AOPEP: variants seen among roughly 807,000 people sequenced by gnomAD.
AOPEP encodes aminopeptidase O (putative).
Under a neutral mutation model 98.1 loss-of-function variants are expected in AOPEP, and 77 were observed. That is an observed-to-expected ratio of 0.78 (90% CI 0.65 to 0.95). The LOEUF is 0.95. Ranked by LOEUF, AOPEP falls within the 40% of genes least tolerant of loss-of-function variation. AOPEP has a pLI of 0.00. For synonymous variants in AOPEP, 346 were observed against 365.3 expected, an observed-to-expected ratio of 0.95 and a Z score of 0.60; for missense variants, 1,024 against 1,024.7, an observed-to-expected ratio of 1.00 and a Z score of 0.01.
At chr9:95,111,089 G>C in the AOPEP span, 1 of 1,516,728 alleles carries the variant, frequency 6.6e-7, no homozygotes, top group Non-Finnish European at 8.8e-7. Context: ...GGCCCTGGCT[G>C]TGGCCAGGCT....
At chr9:94,838,134 G>A (rs553797749) in intron 5 of AOPEP, among the ~76,000 whole-genome samples, 69 of 151,910 alleles carry the variant, frequency 4.5e-4, no homozygotes, top group Non-Finnish European at 7.5e-4. Flanking sequence ...TCAGCCTCCC[G>A]AGTAGCTGGG....
chr9:94,920,867 G>C (rs1259830731), intron 5 of AOPEP, among the ~76,000 whole-genome samples: 3 of 152,178 alleles, frequency 2.0e-5, no homozygotes, highest in Non-Finnish European at 4.4e-5. Context: ...GGCAGCCCCA[G>C]AGGTGGTCTG....
rs78696732 is a variant in AOPEP, at chr9:94,852,954, C to T, written c.1364+51952C>T. Among the ~76,000 whole-genome samples the T allele has an allele frequency of 6.3e-3, 965 of 152,174 alleles. 9 individuals carry two copies. Among genetic ancestry groups the T allele is most frequent in the African/African-American group, 0.022 (919 of 41,510 alleles). On this transcript the variant is annotated intron_variant, in intron 5 of 16. Coordinates refer to ENST00000375315, the MANE Select transcript of AOPEP (RefSeq NM_001193329.3). ...TCTACGCCAATTCCAAAAAATAGCT[C>T]AATGGCTCAGTGTTGAAGGGCAAAA... is the stretch of plus-strand genomic sequence containing the variant.
chr9:94,968,759 A>G (rs2059359255), intron 10 of AOPEP, among the ~76,000 whole-genome samples: 1 of 152,218 alleles, frequency 6.6e-6, no homozygotes, highest in Admixed American at 6.5e-5. Flanking sequence ...CATACGTTTT[A>G]AAAGTAGCTG....
At chr9:94,961,013 C>CGAA (rs2058798470) in intron 9 of AOPEP, among the ~76,000 whole-genome samples, 2 of 118,730 alleles carry the variant, frequency 1.7e-5, no homozygotes, top group Non-Finnish European at 3.5e-5. Context: ...GAATCTGTCT[C>CGAA]AAAAAAAAAA....
At chr9:94,825,939 G>T (rs905206687) in intron 5 of AOPEP, among the ~76,000 whole-genome samples, 9 of 152,018 alleles carry the variant, frequency 5.9e-5, no homozygotes, top group African/African-American at 2.2e-4. Flanking sequence ...ATTCTGTTTA[G>T]CTGTTTATAA....
intron 3 of AOPEP, among the ~76,000 whole-genome samples, chr9:94,778,319 C>T (rs1005695480): frequency 2.0e-5 from 3 of 152,074 alleles, no homozygotes; most frequent in Non-Finnish European, 4.4e-5. Context: ...TGAAAACCTA[C>T]GTCCACAAAA....
chr9:94,896,515 C>T (rs1248484593), intron 5 of AOPEP, among the ~76,000 whole-genome samples: 1 of 152,128 alleles, frequency 6.6e-6, no homozygotes, highest in Non-Finnish European at 1.5e-5. Flanking sequence ...GCTGCTTCTG[C>T]GGGGTGATCA....
chr9:95,092,678 G>C, the AOPEP span, among the ~76,000 whole-genome samples: 4 of 152,196 alleles, frequency 2.6e-5, no homozygotes, highest in Non-Finnish European at 4.4e-5. Flanking sequence ...GCGGGGTGTG[G>C]GTGGGGTGCT....
chr9:94,894,986 A>C (rs891885288), intron 5 of AOPEP, among the ~76,000 whole-genome samples: 2 of 152,136 alleles, frequency 1.3e-5, no homozygotes, highest in African/African-American at 2.4e-5. Flanking sequence ...ATTTCTAATA[A>C]ATACTTCTAG....
chr9:94,779,506 A>T (rs1368690763), intron 3 of AOPEP, among the ~76,000 whole-genome samples: 1 of 152,196 alleles, frequency 6.6e-6, no homozygotes, highest in Non-Finnish European at 1.5e-5. Context: ...AATTATTTAT[A>T]TTAGAATGAC....
chr9:95,100,663 C>T, the AOPEP span: 1 of 229,378 alleles, frequency 4.4e-6, no homozygotes, highest in Non-Finnish European at 8.6e-6. Context: ...GATGGTCTCG[C>T]TCTGTTGCCC....
chr9:94,955,069 A>G, intron 7 of AOPEP, 108 bp from the exon 8 acceptor site: 1 of 616,798 alleles, frequency 1.6e-6, no homozygotes, highest in Non-Finnish European at 2.9e-6. Context: ...TGTTGAATAG[A>G]ATCAGGATGA....
intron 14 of AOPEP, among the ~76,000 whole-genome samples, chr9:95,069,348 C>T (rs1370889653): frequency 3.9e-5 from 6 of 152,134 alleles, no homozygotes; most frequent in Admixed American, 3.9e-4. Flanking sequence ...ACTGTTTCTG[C>T]CAGCAGTAAA....
At chr9:95,089,126 C>G (rs903221405), downstream of AOPEP, among the ~76,000 whole-genome samples, 2 of 152,234 alleles carry the variant, frequency 1.3e-5, no homozygotes, top group African/African-American at 4.8e-5. Flanking sequence ...GTTCTGCTAG[C>G]TGCTCCTCTG....
At chr9:95,001,224 C>T (rs1039894184) in intron 11 of AOPEP, among the ~76,000 whole-genome samples, 1 of 152,180 alleles carries the variant, frequency 6.6e-6, no homozygotes, top group Admixed American at 6.5e-5. Context: ...AAGGCTTTCC[C>T]TCCAAAAGTA....
chr9:94,811,255 G>A (rs1850519223), intron 5 of AOPEP, among the ~76,000 whole-genome samples: 4 of 152,162 alleles, frequency 2.6e-5, no homozygotes, highest in African/African-American at 9.7e-5. Context: ...GACTTGTCAA[G>A]TACCAATGTG....
chr9:95,026,623 T>G (rs2063860491), intron 13 of AOPEP, among the ~76,000 whole-genome samples: 1 of 152,226 alleles, frequency 6.6e-6, no homozygotes, highest in African/African-American at 2.4e-5. Context: ...ATTTCCAGTT[T>G]AGGGCTGTAG....
chr9:94,934,700 C>T (rs2055972057), intron 7 of AOPEP: 1 of 152,214 alleles, frequency 6.6e-6, no homozygotes, highest in African/African-American at 2.4e-5. Flanking sequence ...TTTTGAGACT[C>T]TTCTGCTTTG....
Sources: allele counts gnomAD v4.1 joint callset (sites outside exome capture counted in the v4.1 genomes callset), GRCh38; gene constraint gnomAD v4.1.1; transcripts MANE v1.5; gene names NCBI Gene and HGNC (gene_info 2026-07-23, HGNC 2026-07-21).